Variants in AUTS2 observed in about 807,000 individuals in gnomAD.
The protein encoded by AUTS2 is activator of transcription and developmental regulator AUTS2, also known as autism susceptibility gene 2 protein.
A neutral mutation model predicts 112.4 loss-of-function variants in AUTS2; 17 were observed. The observed-to-expected ratio is 0.15, with a 90% CI of 0.10 to 0.23. The LOEUF (loss-of-function observed/expected upper bound fraction) is 0.23, where lower values mean the gene tolerates loss of function less well. Ranked by LOEUF, AUTS2 falls within the 10% of genes least tolerant of loss-of-function variation. The pLI is 1.00. For missense variants in AUTS2, 1,510 were observed against 1,701.6 expected (o/e 0.89, Z 1.98); for synonymous variants, 751 against 702.7 (o/e 1.07, Z -1.09).
intron 2 of AUTS2, among the ~76,000 whole-genome samples, chr7:70,078,386 A>G (rs1159397934): frequency 1.3e-5 from 2 of 152,172 alleles, no homozygotes; most frequent in African/African-American, 4.8e-5. Context: ...TTTAAAATGT[A>G]TTGACGAATT....
At chr7:70,789,326 T>A (rs1425243104) in intron 18 of AUTS2, among the ~76,000 whole-genome samples, 1 of 152,236 alleles carries the variant, frequency 6.6e-6, no homozygotes, top group Non-Finnish European at 1.5e-5. Flanking sequence ...AAAGTGATAC[T>A]GGGCGTTGGG....
intron 5 of AUTS2, among the ~76,000 whole-genome samples, chr7:70,555,868 G>C (rs1024385615): frequency 6.6e-6 from 1 of 151,156 alleles, no homozygotes; most frequent in South Asian, 2.1e-4. Context: ...GCAGTAGTGC[G>C]ATCTCGGCTC....
chr7:69,715,195 C>T (rs1173652199), intron 1 of AUTS2, among the ~76,000 whole-genome samples: 1 of 133,400 alleles, frequency 7.5e-6, no homozygotes, highest in Non-Finnish European at 1.6e-5. Flanking sequence ...ACAGCTCCTT[C>T]TTTGGCTTGT....
intron 2 of AUTS2, among the ~76,000 whole-genome samples, chr7:69,966,672 C>T (rs1797647094): frequency 6.6e-6 from 1 of 152,076 alleles, no homozygotes; most frequent in South Asian, 2.1e-4. Context: ...CTGAACATCT[C>T]GAGCACATTT....
At chr7:69,868,929 G>A (rs1793358770) in intron 1 of AUTS2, among the ~76,000 whole-genome samples, 1 of 152,146 alleles carries the variant, frequency 6.6e-6, no homozygotes, top group South Asian at 2.1e-4. Context: ...TCATACCTGT[G>A]CATTGTGCTG....
At chr7:70,619,710 G>A (rs531258829) in intron 5 of AUTS2, among the ~76,000 whole-genome samples, 1 of 152,246 alleles carries the variant, frequency 6.6e-6, no homozygotes, top group East Asian at 1.9e-4. Flanking sequence ...AAGTAGGTAA[G>A]GGAGAATTGC....
intron 4 of AUTS2, chr7:70,293,377 T>G (rs1442061518): frequency 6.6e-6 from 1 of 152,186 alleles, no homozygotes; most frequent in South Asian, 2.1e-4. Flanking sequence ...TTTTTCTGGT[T>G]TATCAGTTTA....
intron 4 of AUTS2, among the ~76,000 whole-genome samples, chr7:70,399,530 T>C (rs1794234553): frequency 6.6e-6 from 1 of 152,192 alleles, no homozygotes; most frequent in Non-Finnish European, 1.5e-5. Context: ...TCAAGTCCTC[T>C]AGGTTTAAGA....
At chr7:69,950,977 C>T (rs1797003741) in intron 2 of AUTS2, among the ~76,000 whole-genome samples, 3 of 151,844 alleles carry the variant, frequency 2.0e-5, no homozygotes, top group East Asian at 3.9e-4. Flanking sequence ...CTCTCTTTCT[C>T]TCTTTTTTTT....
chr7:70,242,554 T>A (rs548527042), intron 4 of AUTS2, among the ~76,000 whole-genome samples: 1 of 152,312 alleles, frequency 6.6e-6, no homozygotes, highest in East Asian at 1.9e-4. Context: ...CAGTAGGCAC[T>A]CAATTACTTC....
chr7:69,947,606 C>T (rs539854785), intron 2 of AUTS2, among the ~76,000 whole-genome samples: 2 of 152,130 alleles, frequency 1.3e-5, no homozygotes, highest in South Asian at 2.1e-4. Flanking sequence ...TTGTTGTTAC[C>T]CACTAGGCAG....
rs556008912 is a variant in AUTS2 at position 69,786,743 on chromosome 7, C to T, written c.310-112543C>T. The stretch of plus-strand genomic sequence containing the variant: ...TGCTGGGATTACAGGCCTGAGCCAC[C>T]GTGCCTGACCTGTCACAATGATTTT... On this transcript the variant is annotated intron_variant, in intron 1 of 18. Transcript: ENST00000342771. 7.9e-5 allele frequency among the ~76,000 whole-genome samples: 12 copies of T among 152,258 alleles called. No individual in the cohort carries two copies. In the South Asian group the frequency reaches 1.5e-3, roughly 18 times the overall value.
chr7:70,588,992 C>T (rs1408823706), intron 5 of AUTS2, among the ~76,000 whole-genome samples: 1 of 152,206 alleles, frequency 6.6e-6, no homozygotes, highest in African/African-American at 2.4e-5. Flanking sequence ...TCAGGGGTTA[C>T]AAAGCTTATG....
intron 2 of AUTS2, among the ~76,000 whole-genome samples, chr7:70,038,359 T>C (rs1056005347): frequency 1.3e-5 from 2 of 152,176 alleles, no homozygotes; most frequent in African/African-American, 4.8e-5. Context: ...TGTAAAACTT[T>C]GATAAACACA....
chr7:70,053,544 G>GTTTTTTTTTTTGTTTTTTTTTTTT lies in AUTS2; in HGVS notation c.523-64577_523-64576insGTTTTTTTTTTTTTTTTTTTTTTT, dbSNP rs374585322. On this transcript the variant is annotated intron_variant, in intron 2 of 18. Transcript: ENST00000342771. ...ATTGTGGCAACCACTGTTTTGGGTG[G>GTTTTTTTTTTTGTTTTTTTTTTTT]TTTTTTTTTTTTGGAGACAGGATCT... Among the ~76,000 whole-genome samples, 9 of 127,844 alleles carry GTTTTTTTTTTTGTTTTTTTTTTTT rather than the reference G, an allele frequency of 7.0e-5. 1 individual carries two copies. The highest frequency in any genetic ancestry group is 2.2e-4 in the African/African-American group (7 of 32,324). 83.9% of individuals were successfully genotyped at this position (127,844 alleles called of 152,430 possible). A position where few individuals can be genotyped will look rare whatever the true frequency, so the allele number is the denominator to read the frequency against.
chr7:70,576,316 G>T (rs1802164319), intron 5 of AUTS2, among the ~76,000 whole-genome samples: 1 of 152,100 alleles, frequency 6.6e-6, no homozygotes, highest in African/African-American at 2.4e-5. Context: ...GATCCGAGTG[G>T]TCCAGAGCAA....
At chr7:69,932,290 A>T (rs746682940) in intron 2 of AUTS2, among the ~76,000 whole-genome samples, 2 of 152,174 alleles carry the variant, frequency 1.3e-5, no homozygotes, top group Admixed American at 6.5e-5. Context: ...TCTTTCTTTG[A>T]GTAGAGCATC....
At chr7:69,915,126 G>A (rs1372956968) in intron 2 of AUTS2, among the ~76,000 whole-genome samples, 2 of 152,154 alleles carry the variant, frequency 1.3e-5, no homozygotes, top group Non-Finnish European at 2.9e-5. Context: ...GTGAGGCTGA[G>A]GCTGGCAGAT....
At position 70,766,287 on chromosome 7, in the gene AUTS2, C is replaced by G. The variant is rs889725302; in HGVS notation, c.1642C>G (p.His548Asp). 1 of 1,614,126 alleles carries G rather than the reference C, an allele frequency of 6.2e-7. No homozygotes were observed. Among genetic ancestry groups the G allele is most frequent in the African/African-American group, 1.3e-5 (1 of 75,044 alleles). The change falls in exon 9 of 19, where the codon CAC becomes GAC. Residue 548 changes from histidine (H) to aspartate (D), a missense_variant. Around this residue, in one of 3 missense-constraint regions of AUTS2, gnomAD observed 187 missense variants for 309.7 expected, o/e 0.60. Coordinates refer to ENST00000342771, the MANE Select transcript of AUTS2 (RefSeq NM_015570.4). This position sits in a 1 kb window ranked among gnomAD's most constrained non-coding sequence, Gnocchi z 4.8. The stretch of plus-strand genomic sequence containing the variant: ...CCAGCACACCTTCACGCCGTTCCCC[C>G]ACGCCATCCCACCCACCGCCATCAT... ...THQHTFTPFP[H>D]AIPPTAIMPT...
Sources: gnomAD v4.1 joint callset for allele counts (sites outside exome capture counted in the v4.1 genomes callset) on GRCh38, gnomAD v4.1.1 for gene constraint, gnomAD v4.1.1 regional missense constraint, Gnocchi (gnomAD v3.1) non-coding constraint, MANE v1.5 for transcripts, NCBI Gene and HGNC (gene_info 2026-07-23, HGNC 2026-07-21) for gene names.